MYO15B: variants seen among roughly 807,000 people sequenced by gnomAD.
MYO15B encodes myosin XVB.
Under a neutral mutation model 119.3 loss-of-function variants are expected in MYO15B, and 207 were observed. The observed-to-expected ratio is 1.73, with a 90% CI of 1.55 to 1.95. The LOEUF (loss-of-function observed/expected upper bound fraction) is 1.95. Among genes scored for constraint, MYO15B ranks in the 30% most tolerant of loss-of-function variants. The probability of loss-of-function intolerance (pLI) is 0.00; values close to 1 mark genes in which losing one functional copy is unlikely to be tolerated. For synonymous variants in MYO15B, 966 were observed against 498.9 expected, an observed-to-expected ratio of 1.94 and a Z score of -12.48; for missense variants, 2,264 against 1,203.1, an observed-to-expected ratio of 1.88 and a Z score of -13.04.
chr17:75,610,712 C>CT, intron 22 of MYO15B, 188 bp from the exon 23 acceptor site: 1 of 588,646 alleles, frequency 1.7e-6, no homozygotes, highest in East Asian at 2.8e-5. Flanking sequence ...TGGGCACAGA[C>CT]GCCCACAGTG....
intron 29 of MYO15B, 185 bp downstream of exon 29, chr17:75,613,962 G>GCC (rs34488473): frequency 0.22 from 129,524 of 597,848 alleles, 14,460 homozygotes; most frequent in Middle Eastern, 0.25. Flanking sequence ...AGCTCCCACG[G>GCC]CAGATTCTAA....
At chr17:75,613,305 C>T in exon 28 of MYO15B, 1 of 670,572 alleles carries the variant, frequency 1.5e-6, no homozygotes, top group East Asian at 2.7e-5. Flanking sequence ...TCGTGTCTGA[C>T]CAGGCCCCCA....
intron 52 of MYO15B, 129 bp from the exon 53 acceptor site, chr17:75,621,875 G>C (rs2058731011): frequency 3.2e-6 from 2 of 631,462 alleles, no homozygotes; most frequent in Admixed American, 4.8e-5. Context: ...AGCTGCCCTG[G>C]CTGGCATCTA....
At chr17:75,620,387 C>G (rs141809588) in intron 48 of MYO15B, 30 bp downstream of exon 48, 3 of 702,874 alleles carry the variant, frequency 4.3e-6, no homozygotes, top group Non-Finnish European at 7.8e-6. Context: ...GGGGCTCACA[C>G]AGGGAGGGCA....
chr17:75,626,348 G>A (rs1352014653), intron 63 of MYO15B, 59 bp from the exon 64 acceptor site: 11 of 701,970 alleles, frequency 1.6e-5, no homozygotes, highest in African/African-American at 8.7e-5. Flanking sequence ...GCTGTGGGCC[G>A]GGGCAGAGGC....
At chr17:75,596,411 G>A (rs1229512326) in intron 12 of MYO15B, 49 bp from the exon 13 acceptor site, 25 of 700,672 alleles carry the variant, frequency 3.6e-5, no homozygotes, top group Non-Finnish European at 6.3e-5. Flanking sequence ...CTCTGGGGTG[G>A]GGGGAGGGCA....
At chr17:75,624,126 G>A (rs1311353388) in intron 55 of MYO15B, 49 bp from the exon 56 acceptor site, 2 of 702,728 alleles carry the variant, frequency 2.8e-6, no homozygotes, top group Admixed American at 2.0e-5. Context: ...AACTTGGTGG[G>A]CTTGGGGAGA....
rs1322375348 is a variant in MYO15B at position 75,625,077 on chromosome 17, G to A, written c.8689-46G>A. ...AGCCTCTAGAGCCACCAACTGATGG[G>A]GGGCTTTGGACCACCGCTGCCCTCC... On this transcript the variant is annotated intron_variant, in intron 59 of 63. Coordinates refer to ENST00000645453, the Ensembl canonical transcript of MYO15B. 8 of 664,724 alleles carry A rather than the reference G, an allele frequency of 1.2e-5. No homozygotes were observed. The East Asian group carries it at 2.2e-4, about 18-fold the overall frequency. 41.2% of individuals were successfully genotyped at this position (664,724 alleles called of 1,614,324 possible). A position where few individuals can be genotyped will look rare whatever the true frequency, so the allele number is the denominator to read the frequency against.
chr17:75,623,846 C>A (rs914252998), exon 54 of MYO15B: 2 of 681,492 alleles, frequency 2.9e-6, no homozygotes, highest in African/African-American at 2.0e-5. Flanking sequence ...TCACGGGACA[C>A]CCCCGGCCGT....
chr17:75,612,638 C>T (rs2058096201), intron 25 of MYO15B, among the ~76,000 whole-genome samples, 160 bp from the exon 26 acceptor site: 1 of 150,870 alleles, frequency 6.6e-6, no homozygotes, highest in Non-Finnish European at 1.5e-5. Flanking sequence ...GCACTCCAGC[C>T]TGGGCGACAG....
rs559717158 is a variant in MYO15B at position 75,604,997 on chromosome 17, C to T, written c.4017-507C>T. ...TACTAAAAATACAAAATCAGCTGGG[C>T]GTGGTGTTGCATGCCAGTAATCCCA... On this transcript the variant is annotated intron_variant, in intron 19 of 63. Transcript: ENST00000645453. 4.0e-5 allele frequency among the ~76,000 whole-genome samples: 6 copies of T among 151,764 alleles called. No individual in the cohort carries two copies. The South Asian group carries it at 6.2e-4, about 16-fold the overall frequency.
chr17:75,590,943 C>T (rs1171088279), exon 3 of MYO15B: 1 of 546,630 alleles, frequency 1.8e-6, no homozygotes, highest in Admixed American at 3.1e-5. Context: ...TCTGAACCCC[C>T]ACCGGTCCTT....
chr17:75,617,411 C>A (rs1461492982), intron 41 of MYO15B, 107 bp downstream of exon 41: 7 of 569,102 alleles, frequency 1.2e-5, no homozygotes, highest in African/African-American at 1.1e-4. Context: ...TGGCTGAGGC[C>A]AGCTGTTCGG....
intron 19 of MYO15B, among the ~76,000 whole-genome samples, chr17:75,604,156 C>T (rs1465073633): frequency 3.9e-5 from 6 of 152,138 alleles, no homozygotes; most frequent in African/African-American, 7.2e-5. Flanking sequence ...GGGCGGGGCA[C>T]GTTCTGTCTC....
Position 75,598,254 on chromosome 17 carries a change from A to C in MYO15B, c.3525+1355A>C, listed in dbSNP as rs372079726. Among the ~76,000 whole-genome samples the C allele has an allele frequency of 1.3e-4, 18 of 139,338 alleles. No individual in the cohort carries two copies. The East Asian group carries it at 3.4e-3, about 26-fold the overall frequency. 91.4% of individuals were successfully genotyped at this position (139,338 alleles called of 152,430 possible). A position where few individuals can be genotyped will look rare whatever the true frequency, so the allele number is the denominator to read the frequency against. Reference sequence around the variant, plus strand: ...CTACACTCCAGCCTGGGGACAGAGCAAGACTCCGTCTCAAAAAAAAGAAAA... The same window carrying C: ...CTACACTCCAGCCTGGGGACAGAGCCAGACTCCGTCTCAAAAAAAAGAAAA... On this transcript the variant is annotated intron_variant, in intron 14 of 63. Coordinates refer to ENST00000645453, the Ensembl canonical transcript of MYO15B.
chr17:75,620,011 G>A (rs1262759967), exon 47 of MYO15B: 2 of 701,258 alleles, frequency 2.9e-6, no homozygotes, highest in East Asian at 2.7e-5. Context: ...TCCTGAATGA[G>A]CTTAAGAAGG....
rs749247022 is a variant in MYO15B, at chr17:75,609,485, ATTTTTTTTTTT to A, written c.4293-666_4293-656del. Among the ~76,000 whole-genome samples the A allele has an allele frequency of 1.4e-3, 107 of 78,012 alleles. 1 individual carries two copies. In the Middle Eastern group the frequency reaches 0.025, roughly 19 times the overall value. The allele number at this position is 78,012 out of a possible 152,430, so 51.2% of individuals were successfully genotyped here. The stretch of plus-strand genomic sequence containing the variant: ...CTACCGTACCAAGCTAAGGGAAATG[ATTTTTTTTTTT>A]TTTTTTTTTTTTTTGGTCAGTGTGC... On this transcript the variant is annotated intron_variant, in intron 21 of 63. Transcript: ENST00000645453.
rs2058434135 is a variant in MYO15B at position 75,617,318 on chromosome 17, T to C, written c.6814+14T>C. Reference sequence around the variant, plus strand: ...CAGAGCGTCGTTGTAAGGAACCACATTTCTCCTGCGCCGTGGGCTTCACTG... The same window carrying C: ...CAGAGCGTCGTTGTAAGGAACCACACTTCTCCTGCGCCGTGGGCTTCACTG... On this transcript the variant is annotated intron_variant, in intron 41 of 63. Transcript: ENST00000645453. The C allele has an allele frequency of 1.6e-6, 1 of 619,678 alleles. No homozygotes were observed. The highest frequency in any genetic ancestry group is 1.8e-5 in the South Asian group (1 of 55,366). 38.4% of individuals were successfully genotyped at this position (619,678 alleles called of 1,614,324 possible). A position where few individuals can be genotyped will look rare whatever the true frequency, so the allele number is the denominator to read the frequency against.
At chr17:75,618,305 G>A (rs2058500905) in intron 43 of MYO15B, 120 bp downstream of exon 43, 5 of 656,878 alleles carry the variant, frequency 7.6e-6, no homozygotes, top group Middle Eastern at 2.4e-4. Flanking sequence ...CAGCACTGGG[G>A]GGCACTTCTG....
Sources: gnomAD v4.1 joint callset for allele counts (sites outside exome capture counted in the v4.1 genomes callset) on GRCh38, gnomAD v4.1.1 for gene constraint, MANE v1.5 for transcripts, NCBI Gene and HGNC (gene_info 2026-07-23, HGNC 2026-07-21) for gene names.